The following PCDHA12 variants were observed in gnomAD, a reference collection of about 807,000 sequenced individuals.
PCDHA12 encodes protocadherin alpha 12, also known as protocadherin alpha-12.
A neutral mutation model predicts 60.0 loss-of-function variants in PCDHA12; 44 were observed. That is an observed-to-expected ratio of 0.73 (90% CI 0.58 to 0.94). The LOEUF (loss-of-function observed/expected upper bound fraction) is 0.94, where lower values mean the gene tolerates loss of function less well. Ranked by LOEUF, PCDHA12 falls within the 40% of genes least tolerant of loss-of-function variation. The probability of loss-of-function intolerance (pLI) is 0.00; values close to 1 mark genes in which losing one functional copy is unlikely to be tolerated. For missense variants in PCDHA12, 1,276 were observed against 1,239.7 expected, an observed-to-expected ratio of 1.03 and a Z score of -0.44; for synonymous variants, 569 against 553.0, an observed-to-expected ratio of 1.03 and a Z score of -0.40.
At chr5:140,993,470 A>T (rs1348899420) in intron 3 of PCDHA12, among the ~76,000 whole-genome samples, 10 of 115,268 alleles carry the variant, frequency 8.7e-5, no homozygotes, top group East Asian at 7.9e-4. Flanking sequence ...TCTCACACAC[A>T]CACACACACA....
intron 1 of PCDHA12, chr5:140,884,130 C>T (rs1554181258): frequency 3.1e-6 from 5 of 1,613,434 alleles, no homozygotes; most frequent in Non-Finnish European, 3.4e-6. Flanking sequence ...GCGCGCATCC[C>T]GTTCCGCGTG....
intron 3 of PCDHA12, among the ~76,000 whole-genome samples, chr5:140,992,987 C>G (rs1259400627): frequency 6.6e-6 from 1 of 152,158 alleles, no homozygotes; most frequent in East Asian, 1.9e-4. Context: ...GGCCATGGGA[C>G]CCATGAAAGA....
chr5:140,884,323 C>G (rs1554181434), intron 1 of PCDHA12: 10 of 1,613,816 alleles, frequency 6.2e-6, no homozygotes, highest in Non-Finnish European at 8.5e-6. Context: ...CGTCGGCAGG[C>G]GCTGTGGGTC....
At chr5:140,941,191 T>TTTCTTTCTTTC (rs1487503403) in intron 1 of PCDHA12, among the ~76,000 whole-genome samples, 64 of 93,246 alleles carry the variant, frequency 6.9e-4, no homozygotes, top group South Asian at 4.2e-3. Context: ...GCTTCTTTTT[T>TTTCTTTCTTTC]TTTCTTTCTT....
chr5:140,971,414 AT>A (rs2096477673), intron 1 of PCDHA12, among the ~76,000 whole-genome samples: 1 of 152,166 alleles, frequency 6.6e-6, no homozygotes, highest in African/African-American at 2.4e-5. Flanking sequence ...ACTTTTGGAA[AT>A]CCAGTGAAGA....
At chr5:140,963,244 T>G (rs934081934) in intron 1 of PCDHA12, among the ~76,000 whole-genome samples, 6 of 152,104 alleles carry the variant, frequency 3.9e-5, no homozygotes, top group Admixed American at 3.3e-4. Flanking sequence ...ATGGATTAGG[T>G]AGGTTTTCAT....
At chr5:141,003,814 G>A (rs2098139841) in intron 3 of PCDHA12, among the ~76,000 whole-genome samples, 1 of 152,088 alleles carries the variant, frequency 6.6e-6, no homozygotes, top group Admixed American at 6.6e-5. Context: ...CTGTAGTCTG[G>A]GAAGGGCTCT....
At chr5:140,994,864 G>A (rs2097653681) in intron 3 of PCDHA12, among the ~76,000 whole-genome samples, 1 of 152,114 alleles carries the variant, frequency 6.6e-6, no homozygotes, top group Non-Finnish European at 1.5e-5. Context: ...TGATGGATGT[G>A]GTAGAATAAA....
At position 141,012,226 on chromosome 5, in the gene PCDHA12, A is replaced by G. The variant is rs1021307000; in HGVS notation, c.*2289A>G. Reference sequence around the variant, plus strand: ...TTTTACATTTGCGAAGTGCTTTCCAATCCATGTTAGTTACTAGTTATTACA... The same window carrying G: ...TTTTACATTTGCGAAGTGCTTTCCAGTCCATGTTAGTTACTAGTTATTACA... On this transcript the variant is annotated 3_prime_UTR_variant, in exon 4 of 4. Transcript: ENST00000398631. The G allele has an allele frequency of 2.6e-5, 4 of 153,758 alleles. No individual in the cohort carries two copies. Among genetic ancestry groups the G allele is most frequent in the African/African-American group, 9.7e-5 (4 of 41,442 alleles). 9.5% of individuals were successfully genotyped at this position (153,758 alleles called of 1,614,324 possible). A position where few individuals can be genotyped will look rare whatever the true frequency, so the allele number is the denominator to read the frequency against.
chr5:140,965,307 C>T (rs2095888914), intron 1 of PCDHA12, among the ~76,000 whole-genome samples: 1 of 152,150 alleles, frequency 6.6e-6, no homozygotes, highest in Admixed American at 6.5e-5. Context: ...ATCCTTCTAC[C>T]TTCTCTTTTA....
intron 1 of PCDHA12, among the ~76,000 whole-genome samples, chr5:140,911,947 G>C (rs559007219): frequency 6.6e-6 from 1 of 152,144 alleles, no homozygotes; most frequent in African/African-American, 2.4e-5. Context: ...TATATATAAA[G>C]GGGAGGTTAC....
intron 1 of PCDHA12, among the ~76,000 whole-genome samples, chr5:140,886,605 A>C (rs998772471): frequency 2.6e-5 from 4 of 152,108 alleles, no homozygotes; most frequent in Admixed American, 6.5e-5. Flanking sequence ...AGGTGGGCGG[A>C]TCAGGAGATC....
chr5:140,904,098 A>G (rs184234910), intron 1 of PCDHA12, among the ~76,000 whole-genome samples: 35 of 152,296 alleles, frequency 2.3e-4, no homozygotes, highest in African/African-American at 7.9e-4. Context: ...TAACTACTTT[A>G]GTGGTCATTG....
chr5:140,966,658 G>A (rs887585622), intron 1 of PCDHA12: 5 of 1,212,426 alleles, frequency 4.1e-6, no homozygotes, highest in Admixed American at 3.9e-5. Flanking sequence ...GAGCGGTGGG[G>A]GAGCAGGCGC....
intron 3 of PCDHA12, among the ~76,000 whole-genome samples, chr5:141,000,351 G>GTC: frequency 1.5e-5 from 1 of 66,852 alleles, no homozygotes; most frequent in Non-Finnish European, 2.9e-5. Flanking sequence ...CTCTCTCTCT[G>GTC]TCTCTCTCTG....
rs370743077 is a variant in PCDHA12, at chr5:140,877,189, G to T, written c.1717G>T (p.Ala573Ser). Reference sequence around the variant, plus strand: ...ACTGCTGGCGACTCCGGCTGGCAGCGCAGGAGGCGCAGTTAGCGAGTTGGT... The same window carrying T: ...ACTGCTGGCGACTCCGGCTGGCAGCTCAGGAGGCGCAGTTAGCGAGTTGGT... ...PALLATPAGSAGGAVSELVPR... is the reference protein window; with the variant it reads ...PALLATPAGSSGGAVSELVPR... The change falls in exon 1 of 4, where the codon GCA (alanine) becomes TCA (serine). Residue 573 changes from alanine to serine, a missense_variant. Coordinates refer to ENST00000398631, the MANE Select transcript of PCDHA12 (RefSeq NM_018903.4). 3 of 1,613,808 alleles carry T rather than the reference G, an allele frequency of 1.9e-6. No homozygotes were observed. Among genetic ancestry groups the T allele is most frequent in the Admixed American group, 1.7e-5 (1 of 60,012 alleles).
chr5:140,927,191 T>C, intron 1 of PCDHA12: 16 of 1,614,144 alleles, frequency 9.9e-6, no homozygotes, highest in Non-Finnish European at 1.4e-5. Context: ...TACGACCTGG[T>C]GCTCGAGGAC....
intron 1 of PCDHA12, among the ~76,000 whole-genome samples, chr5:140,952,443 C>T (rs1264311770): frequency 6.6e-6 from 1 of 152,128 alleles, no homozygotes; most frequent in East Asian, 1.9e-4. Flanking sequence ...AGGCATAATA[C>T]AGCCAGGCTC....
At chr5:140,995,851 G>A (rs2097700458) in intron 3 of PCDHA12, among the ~76,000 whole-genome samples, 4 of 152,250 alleles carry the variant, frequency 2.6e-5, no homozygotes, top group South Asian at 2.1e-4. Flanking sequence ...CATTTCTATC[G>A]TATCACTTAA....
Sources: allele counts gnomAD v4.1 joint callset (sites outside exome capture counted in the v4.1 genomes callset), GRCh38; gene constraint gnomAD v4.1.1; transcripts MANE v1.5; gene names NCBI Gene and HGNC (gene_info 2026-07-23, HGNC 2026-07-21).